KCNQ4: variants seen among roughly 807,000 people sequenced by gnomAD.
KCNQ4 encodes the protein potassium voltage-gated channel subfamily Q member 4.
Under a neutral mutation model 72.6 loss-of-function variants are expected in KCNQ4, and 31 were observed. The observed-to-expected ratio is 0.43, with a 90% confidence interval of 0.32 to 0.58. The LOEUF (loss-of-function observed/expected upper bound fraction) is 0.58, where lower values mean the gene tolerates loss of function less well. Among genes scored for constraint, KCNQ4 ranks in the 20% least tolerant of loss-of-function variants. KCNQ4 has a pLI of 0.08. For synonymous variants in KCNQ4, 405 were observed against 403.7 expected, an observed-to-expected ratio of 1.00 and a Z score of -0.04; for missense variants, 869 against 962.6, an observed-to-expected ratio of 0.90 and a Z score of 1.29.
intron 1 of KCNQ4, among the ~76,000 whole-genome samples, chr1:40,799,496 C>G (rs1008472185): frequency 1.3e-5 from 2 of 152,146 alleles, no homozygotes; most frequent in African/African-American, 4.8e-5. Flanking sequence ...ATCTTGGTCC[C>G]CCCACGGTTG....
At chr1:40,786,008 C>T (rs1204668355) in intron 1 of KCNQ4, among the ~76,000 whole-genome samples, 1 of 152,126 alleles carries the variant, frequency 6.6e-6, no homozygotes, top group African/African-American at 2.4e-5. Flanking sequence ...TAGCCCAGTC[C>T]TTAGTGTCCA....
Position 40,838,424 on chromosome 1 carries a change from C to T in KCNQ4, c.1989C>T (p.Asp663=), listed in dbSNP as rs1648876252. 1 of 1,614,150 alleles carries T rather than the reference C, an allele frequency of 6.2e-7. No homozygotes were observed. Among genetic ancestry groups the T allele is most frequent in the South Asian group, 1.1e-5 (1 of 91,088 alleles). ...TGCAAGTGCCGCTGTTCGACCCCGA[C>T]ATCACCTCCGACTACCACAGCCCTG... ...GAVQVPLFDP[D]ITSDYHSPVD... The change falls in exon 14 of 14, where the codon GAC becomes GAT. Residue 663 remains aspartate (D), a synonymous_variant. Coordinates refer to ENST00000347132, the MANE Select transcript of KCNQ4 (RefSeq NM_004700.4).
intron 1 of KCNQ4, among the ~76,000 whole-genome samples, chr1:40,790,616 G>A (rs1435093772): frequency 6.6e-6 from 1 of 152,198 alleles, no homozygotes; most frequent in Non-Finnish European, 1.5e-5. Context: ...AGCAAAGTGA[G>A]GCTGGGTGAG....
intron 1 of KCNQ4, among the ~76,000 whole-genome samples, chr1:40,796,845 G>A (rs1339999894): frequency 6.6e-6 from 1 of 152,120 alleles, no homozygotes; most frequent in Non-Finnish European, 1.5e-5. Context: ...TTAAACCCGG[G>A]AGGTAGAGGT....
At position 40,830,454 on chromosome 1, in the gene KCNQ4, C is replaced by T. The variant is rs181052932; in HGVS notation, c.1293-630C>T. On this transcript the variant is annotated intron_variant, in intron 9 of 13. Coordinates refer to ENST00000347132, the MANE Select transcript of KCNQ4 (RefSeq NM_004700.4). ...CCTGACCAGTGTGGGATCAGATAGCCGCAGCAGTGGGGAGTGGAGGAAAAT... is the reference window on the plus strand; with the variant it reads ...CCTGACCAGTGTGGGATCAGATAGCTGCAGCAGTGGGGAGTGGAGGAAAAT... Among the ~76,000 whole-genome samples the T allele has an allele frequency of 6.6e-5, 10 of 152,264 alleles. No individual in the cohort carries two copies. In the East Asian group the frequency reaches 7.7e-4, roughly 12 times the overall value.
intron 12 of KCNQ4, 123 bp from the exon 13 acceptor site, chr1:40,837,542 G>A (rs1407288336): frequency 1.6e-6 from 2 of 1,268,732 alleles, no homozygotes; most frequent in African/African-American, 3.0e-5. Flanking sequence ...GCAGGGCAAT[G>A]GCCCCTTCCC....
chr1:40,819,608 C>T (rs1648220744), intron 5 of KCNQ4, 136 bp downstream of exon 5: 1 of 1,210,082 alleles, frequency 8.3e-7, no homozygotes, highest in Non-Finnish European at 1.2e-6. Flanking sequence ...TGGGACCCCC[C>T]TGAGACCAGC....
chr1:40,786,807 G>A (rs1020262486), intron 1 of KCNQ4, among the ~76,000 whole-genome samples: 3 of 152,114 alleles, frequency 2.0e-5, no homozygotes, highest in African/African-American at 7.2e-5. Context: ...AAAGACGGTT[G>A]TTATTATTGG....
At chr1:40,800,535 C>T (rs1260489996) in intron 1 of KCNQ4, among the ~76,000 whole-genome samples, 1 of 152,218 alleles carries the variant, frequency 6.6e-6, no homozygotes, top group East Asian at 1.9e-4. Flanking sequence ...CATCAATCCT[C>T]CTTCCACCCA....
chr1:40,836,621 G>A (rs1045955622), intron 12 of KCNQ4, among the ~76,000 whole-genome samples: 1 of 152,170 alleles, frequency 6.6e-6, no homozygotes, highest in African/African-American at 2.4e-5. Context: ...GTGTTTCCAG[G>A]TTGCAGAGAT....
At chr1:40,793,504 G>A (rs1647330245) in intron 1 of KCNQ4, among the ~76,000 whole-genome samples, 1 of 152,174 alleles carries the variant, frequency 6.6e-6, no homozygotes, top group South Asian at 2.1e-4. Flanking sequence ...CCTCCGCTCT[G>A]CAGTTTCATC....
rs114817549 is a variant in KCNQ4 at position 40,815,922 on chromosome 1, C to T, written c.315-1343C>T. Among the ~76,000 whole-genome samples the T allele has an allele frequency of 6.0e-3, 915 of 152,206 alleles. 11 individuals carry two copies. Among genetic ancestry groups the T allele is most frequent in the African/African-American group, 0.021 (883 of 41,498 alleles). ...CGAGCTGCTGTCCTTAAGGTCACCA[C>T]GAAACATGAATATAAATAAAGCCAC... On this transcript the variant is annotated intron_variant, in intron 1 of 13. Transcript: ENST00000347132.
intron 1 of KCNQ4, among the ~76,000 whole-genome samples, chr1:40,793,682 C>T (rs967725624): frequency 2.0e-5 from 3 of 152,202 alleles, no homozygotes; most frequent in Admixed American, 6.5e-5. Flanking sequence ...TTGCTCTCAC[C>T]TAAGAAATGA....
At position 40,788,685 on chromosome 1, in the gene KCNQ4, C is replaced by T. The variant is rs934408535; in HGVS notation, c.314+4278C>T. On this transcript the variant is annotated intron_variant, in intron 1 of 13. Transcript: ENST00000347132. The surrounding 1 kb of genome is among the most constrained non-coding windows in gnomAD (Gnocchi z 4.5). ...CTAGCAGCACCCCAAGTCCAGGCTC[C>T]TCAAGAACAGCACTCCTGTGTCATC... Among the ~76,000 whole-genome samples, 2 of 152,202 alleles carry T rather than the reference C, an allele frequency of 1.3e-5. No individual in the cohort carries two copies. Among genetic ancestry groups the T allele is most frequent in the African/African-American group, 2.4e-5 (1 of 41,448 alleles).
At chr1:40,833,509 A>G (rs1648719526) in intron 11 of KCNQ4, among the ~76,000 whole-genome samples, 1 of 152,168 alleles carries the variant, frequency 6.6e-6, no homozygotes, top group African/African-American at 2.4e-5. Context: ...AGCAGGGACC[A>G]GGGTCTCCTA....
chr1:40,826,076 C>T (rs1234649260), intron 9 of KCNQ4, among the ~76,000 whole-genome samples: 1 of 152,160 alleles, frequency 6.6e-6, no homozygotes, highest in East Asian at 1.9e-4. Context: ...CAGGCTCAGG[C>T]CCAATGGCCG....
At position 40,837,579 on chromosome 1, in the gene KCNQ4, C is replaced by A; in HGVS notation, c.1746-86C>A. The A allele has an allele frequency of 2.0e-6, 3 of 1,529,032 alleles. No individual in the cohort carries two copies. The South Asian group carries it at 3.8e-5, about 20-fold the overall frequency. 94.7% of individuals were successfully genotyped at this position (1,529,032 alleles called of 1,614,324 possible). Reference sequence around the variant, plus strand: ...CAGATTGCCTGTCCCCTCGTGGTGCCTTCTCCTTCATCAGGCAACCTATAA... The same window carrying A: ...CAGATTGCCTGTCCCCTCGTGGTGCATTCTCCTTCATCAGGCAACCTATAA... On this transcript the variant is annotated intron_variant, in intron 12 of 13. Transcript: ENST00000347132.
chr1:40,824,801 G>A (rs931559015), intron 9 of KCNQ4, among the ~76,000 whole-genome samples: 3 of 152,210 alleles, frequency 2.0e-5, no homozygotes, highest in Non-Finnish European at 4.4e-5. Context: ...TGTAGGACCT[G>A]CGTAAACTCA....
intron 10 of KCNQ4, among the ~76,000 whole-genome samples, chr1:40,832,056 T>C (rs1010703029): frequency 2.0e-5 from 3 of 152,250 alleles, no homozygotes; most frequent in Admixed American, 6.5e-5. Flanking sequence ...TTTCTGAGTT[T>C]TGGCTCTGCT....
Sources: allele counts gnomAD v4.1 joint callset (sites outside exome capture counted in the v4.1 genomes callset), GRCh38; gene constraint gnomAD v4.1.1; non-coding constraint Gnocchi (gnomAD v3.1); transcripts MANE v1.5; gene names NCBI Gene and HGNC (gene_info 2026-07-23, HGNC 2026-07-21).